GNE: variants seen among roughly 807,000 people sequenced by gnomAD.
GNE encodes bifunctional UDP-N-acetylglucosamine 2-epimerase/N-acetylmannosamine kinase.
Under a neutral mutation model 61.8 loss-of-function variants are expected in GNE, and 41 were observed. The ratio of observed to expected loss-of-function variants is 0.66; its 90% CI spans 0.52 to 0.86. The LOEUF (loss-of-function observed/expected upper bound fraction) is 0.86, where lower values mean the gene tolerates loss of function less well. Among genes scored for constraint, GNE ranks in the 40% least tolerant of loss-of-function variants. GNE has a pLI of 0.00. For synonymous variants in GNE, 264 were observed against 326.4 expected, an observed-to-expected ratio of 0.81 and a Z score of 2.06; for missense variants, 608 against 909.1, an observed-to-expected ratio of 0.67 and a Z score of 4.26.
upstream of GNE, among the ~76,000 whole-genome samples, chr9:36,260,264 A>T (rs2133172247): frequency 6.7e-6 from 1 of 148,182 alleles, no homozygotes; most frequent in South Asian, 2.2e-4. Context: ...TGGGTGCTGG[A>T]TCGAGACCTC....
intron 5 of GNE, among the ~76,000 whole-genome samples, chr9:36,232,304 A>G (rs1829193290): frequency 6.6e-6 from 1 of 151,334 alleles, no homozygotes; most frequent in South Asian, 2.1e-4. Flanking sequence ...CAGCCCCCTT[A>G]CTGGTCTCCC....
intron 1 of GNE, among the ~76,000 whole-genome samples, chr9:36,257,190 C>T (rs915954476): frequency 6.6e-6 from 1 of 152,208 alleles, no homozygotes; most frequent in Non-Finnish European, 1.5e-5. Context: ...GCGCTCAGAA[C>T]ACTGTCCCAC....
At chr9:36,242,873 G>A (rs1266911725) in intron 3 of GNE, among the ~76,000 whole-genome samples, 1 of 151,206 alleles carries the variant, frequency 6.6e-6, no homozygotes, top group Non-Finnish European at 1.5e-5. Flanking sequence ...CTGAGTAGCT[G>A]GGAGTACAGG....
chr9:36,228,283 CTT>C (rs149308727), intron 6 of GNE, among the ~76,000 whole-genome samples: 1,626 of 151,374 alleles, frequency 0.011, 28 homozygotes, highest in African/African-American at 0.038. Flanking sequence ...TAGTTTTTAT[CTT>C]TATATTTCTG....
intron 5 of GNE, among the ~76,000 whole-genome samples, chr9:36,233,077 G>C (rs1829242986): frequency 6.6e-6 from 1 of 152,172 alleles, no homozygotes; most frequent in African/African-American, 2.4e-5. Context: ...TTCTAGTCCA[G>C]TTCTTTTTCC....
At chr9:36,263,125 A>C (rs1487421049), upstream of GNE, 1 of 151,880 alleles carries the variant, frequency 6.6e-6, no homozygotes, top group African/African-American at 2.4e-5. Flanking sequence ...TACTAACTAG[A>C]GCATTGCACT....
At chr9:36,251,697 A>C (rs1483400579) in intron 1 of GNE, among the ~76,000 whole-genome samples, 2 of 152,272 alleles carry the variant, frequency 1.3e-5, no homozygotes, top group Non-Finnish European at 2.9e-5. Context: ...TGTAATCAGG[A>C]ATCCAGAGAC....
chr9:36,241,841 A>G (rs539166102), intron 3 of GNE, among the ~76,000 whole-genome samples: 240 of 152,288 alleles, frequency 1.6e-3, no homozygotes, highest in Non-Finnish European at 2.9e-3. Context: ...TAGCATGAGA[A>G]GTTCCATATT....
intron 1 of GNE, among the ~76,000 whole-genome samples, chr9:36,250,638 G>A (rs143257645): frequency 3.0e-4 from 46 of 152,156 alleles, no homozygotes; most frequent in African/African-American, 1.1e-3. Context: ...AGGTCTGGAC[G>A]ATCTTAACAG....
intron 4 of GNE, among the ~76,000 whole-genome samples, chr9:36,234,756 T>C (rs1829323346): frequency 6.6e-6 from 1 of 152,086 alleles, no homozygotes; most frequent in Non-Finnish European, 1.5e-5. Context: ...GGGAGGAAAA[T>C]TGCTAACCTG....
Position 36,218,277 on chromosome 9 carries a change from C to T in GNE, c.1839G>A (p.Gly613=), listed in dbSNP as rs2132997665. ...CAGCCTCATCTTTTGGCACTGACAT[C>T]CCTTCCACCAAGAGCAGGTCCTCTG... ...LHDEDLLLVE[G]MSVPKDEAVG... The change falls in exon 11 of 12, where the codon GGG becomes GGA. Residue 613 remains glycine (G), a synonymous_variant. Coordinates refer to ENST00000642385, the MANE Select transcript of GNE (RefSeq NM_005476.7). The surrounding 1 kb of genome is among the most constrained non-coding windows in gnomAD (Gnocchi z 4.1). The T allele has an allele frequency of 1.9e-6, 3 of 1,613,908 alleles. No homozygotes were observed. The South Asian group carries it at 3.3e-5, about 18-fold the overall frequency.
intron 1 of GNE, among the ~76,000 whole-genome samples, chr9:36,255,061 A>G (rs1211740365): frequency 1.3e-5 from 2 of 152,206 alleles, no homozygotes; most frequent in African/African-American, 4.8e-5. Flanking sequence ...GTTTACTCAT[A>G]TGGCCAGCTT....
chr9:36,246,673 T>G (rs919025518), intron 2 of GNE, among the ~76,000 whole-genome samples, 191 bp from the exon 3 acceptor site: 30 of 146,980 alleles, frequency 2.0e-4, no homozygotes, highest in Non-Finnish European at 3.3e-4. Context: ...TTTTTTTTTT[T>G]TTTTTTTTTT....
chr9:36,270,429 TC>T (rs1830978582), intron 1 of GNE, among the ~76,000 whole-genome samples: 1 of 151,928 alleles, frequency 6.6e-6, no homozygotes, highest in Non-Finnish European at 1.5e-5. Flanking sequence ...AAATCGGGCA[TC>T]AAAGCCCACT....
chr9:36,236,864 C>A lies in GNE; in HGVS notation c.737G>T (p.Arg246Leu), dbSNP rs121908629. ...AATATTTGGAAACAGGACTAGGGTC[C>A]GCTTGTTAAATGAGATAAGTGCATC... ...TLDALISFNK[R>L]TLVLFPNIDA... Residue 246 changes from arginine (R) to leucine (L), a missense_variant, in exon 4 of 12, where the codon CGG becomes CTG. Physicochemically the swap from Arg to Leu is moderately radical, Grantham distance 102 (BLOSUM62 -2). Coordinates refer to ENST00000642385, the MANE Select transcript of GNE (RefSeq NM_005476.7). 1 of 1,613,612 alleles carries A rather than the reference C, an allele frequency of 6.2e-7. No homozygotes were observed. The highest frequency in any genetic ancestry group is 8.5e-7 in the Non-Finnish European group (1 of 1,179,728).
At chr9:36,251,986 C>CTTTTTTTTTTTTTT (rs34737463) in intron 1 of GNE, among the ~76,000 whole-genome samples, 9 of 134,156 alleles carry the variant, frequency 6.7e-5, no homozygotes, top group African/African-American at 2.5e-4. Flanking sequence ...ACTATCTGAT[C>CTTTTTTTTTTTTTT]TTTTTTTTTT....
chr9:36,257,631 G>A (rs1036882318), intron 1 of GNE, among the ~76,000 whole-genome samples: 9 of 150,876 alleles, frequency 6.0e-5, no homozygotes, highest in Admixed American at 2.6e-4. Flanking sequence ...GTGAAACCCC[G>A]TCTCTACTAA....
chr9:36,249,169 A>G, intron 2 of GNE, 23 bp downstream of exon 2: 1 of 1,589,646 alleles, frequency 6.3e-7, no homozygotes, highest in Non-Finnish European at 8.6e-7. Flanking sequence ...GCAATGAAGA[A>G]TAAGAAAATG....
chr9:36,269,428 G>A (rs572050769), intron 1 of GNE, among the ~76,000 whole-genome samples: 7 of 150,428 alleles, frequency 4.7e-5, no homozygotes, highest in East Asian at 1.9e-4. Flanking sequence ...CCAGCTTGAG[G>A]CCCCTATGTT....
Sources: allele counts gnomAD v4.1 joint callset (sites outside exome capture counted in the v4.1 genomes callset), GRCh38; gene constraint gnomAD v4.1.1; non-coding constraint Gnocchi (gnomAD v3.1); transcripts MANE v1.5; gene names NCBI Gene and HGNC (gene_info 2026-07-23, HGNC 2026-07-21).